The following RALYL variants were observed in gnomAD, a reference collection of about 807,000 sequenced individuals.
RALYL encodes RALY RNA binding protein like, also known as RNA-binding Raly-like protein.
RALYL carries 29 observed loss-of-function variants against 35.1 expected under a neutral mutation model. The observed-to-expected ratio is 0.83, with a 90% CI of 0.61 to 1.13. The LOEUF is 1.13. RALYL is among the 50% of genes most tolerant of loss of function. The pLI, the probability that RALYL is intolerant of heterozygous loss-of-function variation, is 0.00. For synonymous variants in RALYL, 120 were observed against 127.6 expected, an observed-to-expected ratio of 0.94 and a Z score of 0.40; for missense variants, 359 against 360.4, an observed-to-expected ratio of 1.00 and a Z score of 0.03.
intron 2 of RALYL, among the ~76,000 whole-genome samples, chr8:84,750,746 GC>G (rs1809780918): frequency 6.6e-6 from 1 of 152,050 alleles, no homozygotes. Context: ...AGCATGCTCA[GC>G]CCCCTTACCA....
Position 84,478,922 on chromosome 8 carries a change from T to TAAAAAAAAAAAAAAAAAAAAAA in RALYL, c.-23-50372_-23-50371insAAAAAAAAAAAAAAAAAAAAAA, listed in dbSNP as rs1587656659. On this transcript the variant is annotated intron_variant, in intron 1 of 8. Transcript: ENST00000521268. ...TAACACCGTGAAACCCCGTCTCTAC[T>TAAAAAAAAAAAAAAAAAAAAAA]AAAAATACAAAACATTAGCCGGGCA... Among the ~76,000 whole-genome samples, 301 of 85,120 alleles carry TAAAAAAAAAAAAAAAAAAAAAA rather than the reference T, an allele frequency of 3.5e-3. 24 individuals are homozygous for TAAAAAAAAAAAAAAAAAAAAAA. Among genetic ancestry groups the TAAAAAAAAAAAAAAAAAAAAAA allele is most frequent in the Non-Finnish European group, 5.2e-3 (195 of 37,338 alleles). The allele number at this position is 85,120 out of a possible 152,430, so 55.8% of individuals were successfully genotyped here.
intron 1 of RALYL, among the ~76,000 whole-genome samples, chr8:84,515,768 G>GA (rs1230194286): frequency 2.0e-5 from 3 of 151,920 alleles, no homozygotes; most frequent in Non-Finnish European, 2.9e-5. Context: ...ACAGGGAAAA[G>GA]AAAAAAATAT....
At chr8:84,909,323 A>G (rs1351333079) in intron 8 of RALYL, among the ~76,000 whole-genome samples, 1 of 152,186 alleles carries the variant, frequency 6.6e-6, no homozygotes, top group Non-Finnish European at 1.5e-5. Context: ...TCTCTTTACA[A>G]GCCTGTTATT....
chr8:84,396,081 A>C (rs1272061898), intron 1 of RALYL, among the ~76,000 whole-genome samples: 1 of 151,932 alleles, frequency 6.6e-6, no homozygotes, highest in Non-Finnish European at 1.5e-5. Context: ...TTCTATTTTC[A>C]TTTGATAGTA....
At chr8:84,240,396 C>T (rs966779722) in intron 1 of RALYL, among the ~76,000 whole-genome samples, 4 of 152,136 alleles carry the variant, frequency 2.6e-5, no homozygotes, top group African/African-American at 9.7e-5. Context: ...TATCGAAAGT[C>T]TGGCCTCTTT....
intron 2 of RALYL, among the ~76,000 whole-genome samples, chr8:84,561,339 G>T (rs2061456062): frequency 6.6e-6 from 1 of 151,972 alleles, no homozygotes; most frequent in Non-Finnish European, 1.5e-5. Flanking sequence ...CTGGATTGTA[G>T]AGGGGAAGAG....
intron 1 of RALYL, among the ~76,000 whole-genome samples, chr8:84,258,653 G>T (rs1831651963): frequency 6.6e-6 from 1 of 152,096 alleles, no homozygotes; most frequent in Admixed American, 6.6e-5. Context: ...AATTACAGTA[G>T]TTTTAATGGT....
intron 1 of RALYL, among the ~76,000 whole-genome samples, chr8:84,364,542 TAA>T (rs34336105): frequency 0.6 from 90,565 of 151,738 alleles, 27,696 homozygotes; most frequent in African/African-American, 0.72. Flanking sequence ...TTATAAAATA[TAA>T]AAAGTTTAAT....
At chr8:84,849,908 ACAT>A (rs1264659489) in intron 4 of RALYL, 69 bp from the exon 5 acceptor site, 2 of 792,770 alleles carry the variant, frequency 2.5e-6, no homozygotes, top group Admixed American at 6.7e-5. Context: ...TTATGCTATA[ACAT>A]CATAAGTTAA....
At chr8:84,283,080 A>G (rs1836921948) in intron 1 of RALYL, among the ~76,000 whole-genome samples, 1 of 152,124 alleles carries the variant, frequency 6.6e-6, no homozygotes. Context: ...AGAACAAAGT[A>G]TAATGAAGGA....
chr8:84,522,351 G>A (rs905718396), intron 1 of RALYL, among the ~76,000 whole-genome samples: 4 of 149,406 alleles, frequency 2.7e-5, no homozygotes, highest in Admixed American at 6.7e-5. Context: ...CCAGGTTCAC[G>A]TCATTCTCCT....
chr8:84,438,161 T>C (rs1235853051), intron 1 of RALYL, among the ~76,000 whole-genome samples: 1 of 152,182 alleles, frequency 6.6e-6, no homozygotes, highest in Non-Finnish European at 1.5e-5. Flanking sequence ...GTTAGACCTT[T>C]GTCGGATTAG....
chr8:84,295,384 A>C (rs1326294560), intron 1 of RALYL, among the ~76,000 whole-genome samples: 5 of 152,150 alleles, frequency 3.3e-5, no homozygotes, highest in African/African-American at 9.7e-5. Context: ...ACTCCTGCAA[A>C]AAGAGTCATG....
chr8:84,735,657 A>G (rs747124894), intron 2 of RALYL, among the ~76,000 whole-genome samples: 1 of 152,048 alleles, frequency 6.6e-6, no homozygotes, highest in Non-Finnish European at 1.5e-5. Flanking sequence ...CTGACAATCT[A>G]TCTACCCTTT....
intron 1 of RALYL, among the ~76,000 whole-genome samples, chr8:84,370,389 A>ACGT (rs1477697345): frequency 6.6e-6 from 1 of 151,916 alleles, no homozygotes; most frequent in Non-Finnish European, 1.5e-5. Context: ...ACGTAAATGA[A>ACGT]AAGTAGTTTT....
At chr8:84,683,117 A>G (rs1351811606) in intron 2 of RALYL, among the ~76,000 whole-genome samples, 1 of 152,180 alleles carries the variant, frequency 6.6e-6, no homozygotes, top group Non-Finnish European at 1.5e-5. Context: ...GTCATTCAGG[A>G]GCAGGTTTTT....
chr8:84,651,752 GA>G (rs767362039), intron 2 of RALYL, among the ~76,000 whole-genome samples: 148 of 152,090 alleles, frequency 9.7e-4, no homozygotes, highest in Middle Eastern at 6.8e-3. Flanking sequence ...GAAAGTTGAG[GA>G]AATAAAGATA....
At chr8:84,421,914 G>GA (rs1159763718) in intron 1 of RALYL, among the ~76,000 whole-genome samples, 1 of 150,814 alleles carries the variant, frequency 6.6e-6, no homozygotes, top group Non-Finnish European at 1.5e-5. Context: ...GATCATGGTG[G>GA]ATAAGCTTTT....
chr8:84,706,031 T>C (rs1466515437), intron 2 of RALYL: 2 of 1,535,294 alleles, frequency 1.3e-6, no homozygotes, highest in African/African-American at 1.4e-5. Context: ...AAAATGACCA[T>C]GTACAAGAGC....
Sources: gnomAD v4.1 joint callset for allele counts (sites outside exome capture counted in the v4.1 genomes callset) on GRCh38, gnomAD v4.1.1 for gene constraint, MANE v1.5 for transcripts, NCBI Gene and HGNC (gene_info 2026-07-23, HGNC 2026-07-21) for gene names.